PAH: variants seen among roughly 807,000 people sequenced by gnomAD.
The protein encoded by PAH is phenylalanine-4-hydroxylase.
PAH carries 64 observed loss-of-function variants against 62.0 expected under a neutral mutation model. The ratio of observed to expected loss-of-function variants is 1.03; its 90% confidence interval spans 0.84 to 1.27. The LOEUF is 1.27. Among genes scored for constraint, PAH ranks in the 50% most tolerant of loss-of-function variants. The pLI is 0.00. For synonymous variants in PAH, 195 were observed against 196.2 expected (o/e 0.99, Z 0.05); for missense variants, 579 against 542.8 (o/e 1.07, Z -0.66).
At position 102,868,445 on chromosome 12, in the gene PAH, A is replaced by G. The variant is rs997553444; in HGVS notation, c.442-1782T>C. Among the ~76,000 whole-genome samples, 9 of 151,306 alleles carry G rather than the reference A, an allele frequency of 5.9e-5. No homozygotes were observed. In the East Asian group the frequency reaches 1.7e-3, roughly 29 times the overall value. On this transcript the variant is annotated intron_variant, in intron 4 of 12. Transcript: ENST00000553106. ...GTAAAACTACTACACATTTTTTTTT[A>G]CTCCAAATCTAAATCCCAGATAAAT...
chr12:102,856,355 C>A (rs1051534682), intron 5 of PAH, among the ~76,000 whole-genome samples: 3 of 152,188 alleles, frequency 2.0e-5, no homozygotes, highest in Non-Finnish European at 2.9e-5. Context: ...CTGGGTGGAG[C>A]CCACCACAGC....
intron 1 of PAH, 131 bp downstream of exon 1, chr12:102,916,940 T>G: frequency 1.2e-6 from 1 of 836,794 alleles, no homozygotes; most frequent in Non-Finnish European, 2.1e-6. Flanking sequence ...TCCTGGATAT[T>G]CTCATCAGCT....
At chr12:102,847,835 G>A (rs1874925024) in intron 8 of PAH, among the ~76,000 whole-genome samples, 1 of 152,132 alleles carries the variant, frequency 6.6e-6, no homozygotes, top group Non-Finnish European at 1.5e-5. Context: ...GACTTCTGAG[G>A]GAAGCACACT....
intron 8 of PAH, among the ~76,000 whole-genome samples, chr12:102,847,547 T>G (rs531741328): frequency 8.5e-5 from 13 of 152,362 alleles, no homozygotes; most frequent in Non-Finnish European, 1.6e-4. Flanking sequence ...AAATATTTAT[T>G]AAGTTCATTT....
chr12:102,906,451 A>G (rs1877981335), intron 2 of PAH, among the ~76,000 whole-genome samples: 1 of 152,172 alleles, frequency 6.6e-6, no homozygotes, highest in Non-Finnish European at 1.5e-5. Flanking sequence ...AGAAAACACC[A>G]TGGATGCCAA....
chr12:102,923,492 T>C (rs1878608707), intron 1 of PAH: 1 of 152,144 alleles, frequency 6.6e-6, no homozygotes, highest in Non-Finnish European at 1.5e-5. Context: ...ACCAAGAACA[T>C]TTATAAATTT....
At chr12:102,876,758 C>T (rs560387289) in intron 4 of PAH, among the ~76,000 whole-genome samples, 35 of 152,172 alleles carry the variant, frequency 2.3e-4, no homozygotes, top group African/African-American at 7.5e-4. Flanking sequence ...GTAGAGGGAA[C>T]GATGAAATAT....
chr12:102,933,061 C>G (rs1304491769), intron 1 of PAH, among the ~76,000 whole-genome samples: 2 of 152,158 alleles, frequency 1.3e-5, no homozygotes, highest in Non-Finnish European at 2.9e-5. Flanking sequence ...CTGTCAAATA[C>G]TAGACGTTTT....
rs764946616 is a variant in PAH at position 102,852,958 on chromosome 12, G to A, written c.707-8C>T. 7 of 1,613,918 alleles carry A rather than the reference G, an allele frequency of 4.3e-6. No individual in the cohort carries two copies. The highest frequency in any genetic ancestry group is 2.2e-5 in the South Asian group (2 of 91,050). On this transcript the variant is annotated splice_polypyrimidine_tract_variant and splice_region_variant and intron_variant, in intron 6 of 12. Transcript: ENST00000553106. Reference sequence around the variant, plus strand: ...GGCGGAAACCAGTGCAAGCTGGGATGAAAAGAAGAAAGAAAACTCAAAGCT... The same window carrying A: ...GGCGGAAACCAGTGCAAGCTGGGATAAAAAGAAGAAAGAAAACTCAAAGCT...
intron 1 of PAH, among the ~76,000 whole-genome samples, chr12:102,948,186 CG>C (rs1279478371): frequency 6.6e-6 from 1 of 151,998 alleles, no homozygotes; most frequent in Admixed American, 6.6e-5. Context: ...TGGGAAGGTA[CG>C]CATTTTATAA....
intron 1 of PAH, among the ~76,000 whole-genome samples, chr12:102,937,449 T>C (rs574250468): frequency 9.2e-5 from 14 of 152,198 alleles, no homozygotes; most frequent in Admixed American, 2.0e-4. Flanking sequence ...AGGGTACCAA[T>C]GAGGCTTCCA....
chr12:102,873,606 C>A (rs761264215), intron 4 of PAH, among the ~76,000 whole-genome samples: 1 of 152,164 alleles, frequency 6.6e-6, no homozygotes, highest in African/African-American at 2.4e-5. Flanking sequence ...TACACAGTGA[C>A]CTTAGAAATG....
chr12:102,880,431 G>A (rs1481964136), intron 3 of PAH, among the ~76,000 whole-genome samples: 1 of 152,134 alleles, frequency 6.6e-6, no homozygotes, highest in Non-Finnish European at 1.5e-5. Flanking sequence ...GGACAAGGGG[G>A]CCTGACTCTT....
chr12:102,944,150 G>A (rs778036258), intron 1 of PAH, among the ~76,000 whole-genome samples: 4 of 152,134 alleles, frequency 2.6e-5, no homozygotes, highest in South Asian at 2.1e-4. Flanking sequence ...TTGGAGATCC[G>A]TTGCACGTTT....
intron 2 of PAH, among the ~76,000 whole-genome samples, chr12:102,903,806 A>T (rs1269126496): frequency 6.6e-6 from 1 of 152,106 alleles, no homozygotes; most frequent in Non-Finnish European, 1.5e-5. Flanking sequence ...ATGACCTTGG[A>T]GCTCAGAGCT....
chr12:102,935,305 T>C (rs1285936342), intron 1 of PAH, among the ~76,000 whole-genome samples: 1 of 152,150 alleles, frequency 6.6e-6, no homozygotes, highest in Admixed American at 6.5e-5. Context: ...GCTAGTATTT[T>C]GTCAAGGATT....
intron 1 of PAH, chr12:102,916,573 C>T (rs1878389999): frequency 5.4e-6 from 1 of 184,552 alleles, no homozygotes. Flanking sequence ...GAGTAAGTTT[C>T]TGTCTGAATT....
chr12:102,917,778 C>A (rs1443319220), upstream of PAH, among the ~76,000 whole-genome samples: 6 of 152,186 alleles, frequency 3.9e-5, no homozygotes, highest in African/African-American at 1.4e-4. Flanking sequence ...TAAATCCAGC[C>A]TGGTGTTCTC....
At chr12:102,867,397 T>C (rs1346463879) in intron 4 of PAH, among the ~76,000 whole-genome samples, 1 of 152,202 alleles carries the variant, frequency 6.6e-6, no homozygotes, top group Non-Finnish European at 1.5e-5. Flanking sequence ...AGGCAGCCTT[T>C]TCCCAGTGAT....
Sources: gnomAD v4.1 joint callset for allele counts (sites outside exome capture counted in the v4.1 genomes callset) on GRCh38, gnomAD v4.1.1 for gene constraint, MANE v1.5 for transcripts, NCBI Gene and HGNC (gene_info 2026-07-23, HGNC 2026-07-21) for gene names.